The following FSTL5 variants were observed in gnomAD, a reference collection of about 807,000 sequenced individuals.
FSTL5 encodes the protein follistatin-related protein 5.
FSTL5 carries 62 observed loss-of-function variants against 89.1 expected under a neutral mutation model. The ratio of observed to expected loss-of-function variants is 0.70; its 90% confidence interval spans 0.57 to 0.86. The LOEUF (loss-of-function observed/expected upper bound fraction) is 0.86, where lower values mean the gene tolerates loss of function less well. Ranked by LOEUF, FSTL5 falls within the 40% of genes least tolerant of loss-of-function variation. The pLI is 0.00. For synonymous variants in FSTL5, 383 were observed against 346.2 expected (o/e 1.11, Z -1.18); for missense variants, 1,057 against 1,001.6 (o/e 1.06, Z -0.75).
chr4:162,092,726 G>A (rs1306786597), intron 2 of FSTL5, among the ~76,000 whole-genome samples: 1 of 151,888 alleles, frequency 6.6e-6, no homozygotes, highest in Non-Finnish European at 1.5e-5. Flanking sequence ...TGAGGCAGGT[G>A]GATTACCAGG....
intron 1 of FSTL5, among the ~76,000 whole-genome samples, chr4:162,155,254 A>G (rs1468731047): frequency 2.0e-5 from 3 of 152,330 alleles, no homozygotes; most frequent in South Asian, 2.1e-4. Flanking sequence ...GTGAGCCTTT[A>G]AAAGCCGGGT....
chr4:161,688,956 T>C lies in FSTL5; in HGVS notation c.728-32462A>G, dbSNP rs150631039. 7.9e-3 allele frequency among the ~76,000 whole-genome samples: 1,210 copies of C among 152,250 alleles called. 16 individuals carry two copies. The highest frequency in any genetic ancestry group is 0.027 in the African/African-American group (1,125 of 41,546). On this transcript the variant is annotated intron_variant, in intron 6 of 15. Coordinates refer to ENST00000306100, the MANE Select transcript of FSTL5 (RefSeq NM_020116.5). ...TTCTTACTGATTTTATTAGCCCTAT[T>C]ATGGTTAGTTAATTTCAAAATAAAC... is the stretch of plus-strand genomic sequence containing the variant.
intron 4 of FSTL5, among the ~76,000 whole-genome samples, chr4:161,895,172 A>G (rs1195457534): frequency 6.6e-6 from 1 of 152,202 alleles, no homozygotes; most frequent in Non-Finnish European, 1.5e-5. Flanking sequence ...ACCAGATTTA[A>G]ACTTACTCTC....
chr4:161,999,883 T>A (rs1047697392), intron 3 of FSTL5, among the ~76,000 whole-genome samples: 13 of 152,166 alleles, frequency 8.5e-5, no homozygotes, highest in Non-Finnish European at 1.6e-4. Context: ...TAGAAAAGAC[T>A]TCAGAGGTCA....
chr4:161,854,934 T>A (rs930512884), intron 4 of FSTL5, among the ~76,000 whole-genome samples: 2 of 152,112 alleles, frequency 1.3e-5, no homozygotes, highest in Non-Finnish European at 2.9e-5. Context: ...AATTAGTGTG[T>A]GTACAACAAT....
intron 6 of FSTL5, among the ~76,000 whole-genome samples, chr4:161,694,175 G>C (rs911549428): frequency 3.9e-5 from 6 of 151,996 alleles, no homozygotes; most frequent in African/African-American, 1.5e-4. Flanking sequence ...CTTGCTTAAG[G>C]TGTAAAGTTA....
intron 3 of FSTL5, among the ~76,000 whole-genome samples, chr4:161,972,446 C>A (rs1229876387): frequency 6.6e-6 from 1 of 152,166 alleles, no homozygotes. Context: ...TGTCTTCTAG[C>A]AGACTTTGTC....
chr4:161,474,702 C>G (rs537885366), intron 13 of FSTL5, among the ~76,000 whole-genome samples: 2 of 151,908 alleles, frequency 1.3e-5, no homozygotes, highest in African/African-American at 4.8e-5. Context: ...CCCGCCACCA[C>G]GCCTGGCTAA....
At chr4:161,859,450 G>A (rs1731829804) in intron 4 of FSTL5, among the ~76,000 whole-genome samples, 1 of 151,916 alleles carries the variant, frequency 6.6e-6, no homozygotes, top group Non-Finnish European at 1.5e-5. Flanking sequence ...TCTTCATTTG[G>A]TTACTAAAAG....
intron 1 of FSTL5, among the ~76,000 whole-genome samples, chr4:162,150,496 T>C (rs1579066567): frequency 6.6e-6 from 1 of 152,204 alleles, no homozygotes; most frequent in Admixed American, 6.6e-5. Flanking sequence ...TCTATTTTCA[T>C]TGATTCTGTA....
chr4:161,993,916 G>A (rs1288128194), intron 3 of FSTL5, among the ~76,000 whole-genome samples: 2 of 152,128 alleles, frequency 1.3e-5, no homozygotes, highest in South Asian at 2.1e-4. Context: ...TTTATCTTGA[G>A]CTTGAGGGTA....
At chr4:161,924,862 C>T (rs1449152165) in intron 3 of FSTL5, among the ~76,000 whole-genome samples, 2 of 151,636 alleles carry the variant, frequency 1.3e-5, no homozygotes, top group African/African-American at 2.4e-5. Context: ...GTATTTAAAG[C>T]GTCAAGTTAT....
intron 2 of FSTL5, among the ~76,000 whole-genome samples, chr4:162,059,603 T>C (rs1024171676): frequency 3.3e-5 from 5 of 152,122 alleles, no homozygotes; most frequent in Admixed American, 2.6e-4. Flanking sequence ...CAGAACACGG[T>C]AATATCACAG....
intron 4 of FSTL5, among the ~76,000 whole-genome samples, chr4:161,823,948 C>CCCACTCTATGGGTTGTCTG (rs1447866928): frequency 1.3e-5 from 2 of 152,112 alleles, no homozygotes; most frequent in Non-Finnish European, 2.9e-5. Flanking sequence ...AAGATTTTTT[C>CCCACTCTATGGGTTGTCTG]CCACTCTATG....
chr4:161,910,484 T>C (rs1045552708), intron 4 of FSTL5, among the ~76,000 whole-genome samples: 10 of 152,156 alleles, frequency 6.6e-5, no homozygotes, highest in African/African-American at 2.4e-4. Flanking sequence ...TATATACCTG[T>C]ATATATACTC....
chr4:161,904,165 A>G (rs1222297636), intron 4 of FSTL5, among the ~76,000 whole-genome samples: 1 of 152,048 alleles, frequency 6.6e-6, no homozygotes, highest in African/African-American at 2.4e-5. Flanking sequence ...AATAACAGAG[A>G]CTCACAAGCA....
chr4:161,941,642 TACA>T lies in FSTL5; in HGVS notation c.161-20993_161-20991del, dbSNP rs1361130018. Among the ~76,000 whole-genome samples, 5 of 151,986 alleles carry T rather than the reference TACA, an allele frequency of 3.3e-5. No individual in the cohort carries two copies. In the South Asian group the frequency reaches 8.3e-4, roughly 25 times the overall value. ...TGCACCAAATCTCAGAGCCCTAAAC[TACA>T]TGAAGGGACCTTGGCAGCATTGAAG... is the stretch of plus-strand genomic sequence containing the variant. On this transcript the variant is annotated intron_variant, in intron 3 of 15. Coordinates refer to ENST00000306100, the MANE Select transcript of FSTL5 (RefSeq NM_020116.5).
chr4:161,817,620 A>G (rs1384691234), intron 4 of FSTL5, among the ~76,000 whole-genome samples: 1 of 152,198 alleles, frequency 6.6e-6, no homozygotes, highest in South Asian at 2.1e-4. Flanking sequence ...TGAGTATTTA[A>G]TACTATTTTT....
intron 9 of FSTL5, 120 bp from the exon 10 acceptor site, chr4:161,538,420 C>T: frequency 9.1e-7 from 1 of 1,093,938 alleles, no homozygotes; most frequent in Non-Finnish European, 1.3e-6. Context: ...TCCCTTCCTA[C>T]TTCCATACTT....
Sources: gnomAD v4.1 joint callset for allele counts (sites outside exome capture counted in the v4.1 genomes callset) on GRCh38, gnomAD v4.1.1 for gene constraint, MANE v1.5 for transcripts, NCBI Gene and HGNC (gene_info 2026-07-23, HGNC 2026-07-21) for gene names.